Variants in SFMBT2 observed in about 807,000 individuals in gnomAD.
The protein encoded by SFMBT2 is Scm like with four mbt domains 2.
A neutral mutation model predicts 110.1 loss-of-function variants in SFMBT2; 38 were observed. That is an observed-to-expected ratio of 0.35 (90% CI 0.27 to 0.45). The LOEUF is 0.45. SFMBT2 is among the 20% of genes least tolerant of loss of function. The probability of loss-of-function intolerance (pLI) is 1.00; values close to 1 mark genes in which losing one functional copy is unlikely to be tolerated. For synonymous variants in SFMBT2, 425 were observed against 425.4 expected (o/e 1.00, Z 0.01); for missense variants, 1,011 against 1,094.9 (o/e 0.92, Z 1.08).
At chr10:7,352,047 G>GTC (rs1844340870) in intron 4 of SFMBT2, among the ~76,000 whole-genome samples, 1 of 151,814 alleles carries the variant, frequency 6.6e-6, no homozygotes, top group Admixed American at 6.6e-5. Context: ...CTTTTTTCTG[G>GTC]GCTCCTTTCA....
chr10:7,278,470 A>C (rs1397916737), intron 6 of SFMBT2, among the ~76,000 whole-genome samples: 1 of 152,192 alleles, frequency 6.6e-6, no homozygotes, highest in Non-Finnish European at 1.5e-5. Flanking sequence ...CCCGGGGAGC[A>C]AAGCCCTGAG....
chr10:7,163,863 C>T lies in SFMBT2; in HGVS notation c.2592G>A (p.Gln864=), dbSNP rs773222766. 1.2e-6 allele frequency: 2 copies of T among 1,614,072 alleles called. No individual in the cohort carries two copies. Among genetic ancestry groups the T allele is most frequent in the Admixed American group, 1.7e-5 (1 of 60,000 alleles). The change falls in exon 21 of 21, where the codon CAG becomes CAA. Residue 864 remains glutamine, a synonymous_variant. Coordinates refer to ENST00000397167, the MANE Select transcript of SFMBT2 (RefSeq NM_001387889.1). The surrounding 1 kb of genome is among the most constrained non-coding windows in gnomAD (Gnocchi z 4.8). ...GCCCCAGCTTCAGCTCCATGCACTC[C>T]TGCACCGTCGGAAGGGTCAGAAGCA... is the stretch of plus-strand genomic sequence containing the variant. ...ALLLLTLPTV[Q]ECMELKLGPA...
At chr10:7,348,820 T>C (rs1223257987) in intron 4 of SFMBT2, among the ~76,000 whole-genome samples, 1 of 152,210 alleles carries the variant, frequency 6.6e-6, no homozygotes, top group Non-Finnish European at 1.5e-5. Flanking sequence ...ATATAAGCTC[T>C]TTGGCACATT....
chr10:7,254,317 G>C (rs1250960804), intron 7 of SFMBT2, among the ~76,000 whole-genome samples: 1 of 152,054 alleles, frequency 6.6e-6, no homozygotes, highest in Non-Finnish European at 1.5e-5. Context: ...GCTATTGCAT[G>C]GAATACACAG....
At chr10:7,281,545 G>A (rs1035179941) in intron 6 of SFMBT2, among the ~76,000 whole-genome samples, 3 of 152,138 alleles carry the variant, frequency 2.0e-5, no homozygotes, top group African/African-American at 4.8e-5. Flanking sequence ...GTGCTACCAC[G>A]TAAGTCACAC....
intron 14 of SFMBT2, among the ~76,000 whole-genome samples, chr10:7,198,740 C>T (rs978090126): frequency 5.9e-5 from 9 of 152,126 alleles, no homozygotes; most frequent in East Asian, 1.9e-4. Context: ...AATGATAAGA[C>T]CTCAATCTAA....
chr10:7,340,784 A>C (rs2131983032), intron 4 of SFMBT2, among the ~76,000 whole-genome samples: 1 of 150,776 alleles, frequency 6.6e-6, no homozygotes, highest in East Asian at 2.0e-4. Flanking sequence ...ACTGCCAACC[A>C]GTGCGAGGTC....
At chr10:7,376,565 G>C (rs908083653) in intron 2 of SFMBT2, among the ~76,000 whole-genome samples, 3 of 151,152 alleles carry the variant, frequency 2.0e-5, no homozygotes, top group Admixed American at 6.6e-5. Flanking sequence ...CAGGCGTGGT[G>C]GTGGGCACCT....
At chr10:7,234,182 T>C (rs1840189773) in intron 9 of SFMBT2, among the ~76,000 whole-genome samples, 1 of 152,078 alleles carries the variant, frequency 6.6e-6, no homozygotes, top group Admixed American at 6.6e-5. Flanking sequence ...AATTACTCTG[T>C]GTTTTTACGT....
At chr10:7,164,301 A>C in intron 20 of SFMBT2, 6 of 642,036 alleles carry the variant, frequency 9.3e-6, no homozygotes, top group Non-Finnish European at 1.2e-5. Flanking sequence ...TGGGAGGATC[A>C]CCTGAACCCA....
At chr10:7,259,699 C>G (rs112472295) in intron 7 of SFMBT2, among the ~76,000 whole-genome samples, 16 of 152,170 alleles carry the variant, frequency 1.1e-4, no homozygotes, top group Non-Finnish European at 1.5e-4. Context: ...GTCTCCTCCC[C>G]CTACACTTCT....
chr10:7,279,836 A>T (rs1237598712), intron 6 of SFMBT2, among the ~76,000 whole-genome samples: 1 of 152,226 alleles, frequency 6.6e-6, no homozygotes, highest in Non-Finnish European at 1.5e-5. Context: ...CTCTTCTTTT[A>T]TCCACCTCCC....
chr10:7,320,877 C>A (rs1011955788), intron 4 of SFMBT2, among the ~76,000 whole-genome samples: 2 of 152,176 alleles, frequency 1.3e-5, no homozygotes, highest in Non-Finnish European at 2.9e-5. Context: ...CAACTCCCAT[C>A]CAAGCGCATA....
chr10:7,267,804 T>TA lies in SFMBT2; in HGVS notation c.870+9087dup, dbSNP rs199911542. 8.8e-3 allele frequency among the ~76,000 whole-genome samples: 1,334 copies of TA among 152,258 alleles called. 23 individuals are homozygous for TA. The highest frequency in any genetic ancestry group is 0.03 in the African/African-American group (1,240 of 41,544). ...CCAACAATTTCCCTTCTTTAAAGGA[T>TA]AAAAAAAGGATCATAGATGTTAGTG... On this transcript the variant is annotated intron_variant, in intron 7 of 20. Transcript: ENST00000397167.
At chr10:7,205,281 A>G in intron 12 of SFMBT2, 2 of 357,198 alleles carry the variant, frequency 5.6e-6, no homozygotes, top group Non-Finnish European at 7.8e-6. Flanking sequence ...ACGTATATAC[A>G]GTATCTCACT....
chr10:7,179,015 C>T (rs776015163), intron 16 of SFMBT2, among the ~76,000 whole-genome samples: 1 of 151,876 alleles, frequency 6.6e-6, no homozygotes, highest in Non-Finnish European at 1.5e-5. Context: ...AATACTTTTC[C>T]ACTAATAAAT....
intron 14 of SFMBT2, among the ~76,000 whole-genome samples, chr10:7,198,604 G>A (rs72773854): frequency 0.13 from 20,556 of 152,272 alleles, 1,596 homozygotes; most frequent in African/African-American, 0.18. Flanking sequence ...CCAGTCTGAA[G>A]ACGGTGAAGT....
At chr10:7,394,567 G>C (rs2132111926) in intron 1 of SFMBT2, among the ~76,000 whole-genome samples, 1 of 145,914 alleles carries the variant, frequency 6.9e-6, no homozygotes, top group Non-Finnish European at 1.5e-5. Context: ...TGCGTCCTTA[G>C]GTCTCTGCAA....
At chr10:7,235,819 A>G (rs1250447937) in intron 9 of SFMBT2, among the ~76,000 whole-genome samples, 1 of 152,196 alleles carries the variant, frequency 6.6e-6, no homozygotes, top group Non-Finnish European at 1.5e-5. Flanking sequence ...TGTGGCAATA[A>G]ATCTGAAAAT....
Sources: allele counts gnomAD v4.1 joint callset (sites outside exome capture counted in the v4.1 genomes callset), GRCh38; gene constraint gnomAD v4.1.1; non-coding constraint Gnocchi (gnomAD v3.1); transcripts MANE v1.5; gene names NCBI Gene and HGNC (gene_info 2026-07-23, HGNC 2026-07-21).